Variants in PWWP2A observed in about 807,000 individuals in gnomAD.
The protein encoded by PWWP2A is PWWP domain containing 2A.
In PWWP2A, 18 loss-of-function variants were observed where a neutral mutation model predicts 48.5. The observed-to-expected ratio is 0.37, with a 90% CI of 0.26 to 0.55. The LOEUF is 0.55. Among genes scored for constraint, PWWP2A ranks in the 20% least tolerant of loss-of-function variants. The pLI is 0.81. For missense variants in PWWP2A, 867 were observed against 976.4 expected (o/e 0.89, Z 1.49); for synonymous variants, 396 against 387.7 (o/e 1.02, Z -0.25).
the PWWP2A span, among the ~76,000 whole-genome samples, chr5:160,053,536 C>T: frequency 6.6e-6 from 1 of 152,062 alleles, no homozygotes; most frequent in African/African-American, 2.4e-5. Flanking sequence ...TGCACTCAAG[C>T]CTGGGTGACA....
At chr5:160,113,538 C>A (rs1204346088) in intron 1 of PWWP2A, among the ~76,000 whole-genome samples, 2 of 152,194 alleles carry the variant, frequency 1.3e-5, no homozygotes, top group African/African-American at 2.4e-5. Flanking sequence ...AAAGCAATAA[C>A]TAGTCCTTTT....
At chr5:160,109,084 A>G (rs1435070581) in intron 1 of PWWP2A, among the ~76,000 whole-genome samples, 1 of 152,164 alleles carries the variant, frequency 6.6e-6, no homozygotes, top group Non-Finnish European at 1.5e-5. Context: ...CCCAGGTTCA[A>G]GCAATTCTCG....
At chr5:160,095,676 C>G (rs1755564444) in intron 1 of PWWP2A, among the ~76,000 whole-genome samples, 1 of 142,992 alleles carries the variant, frequency 7.0e-6, no homozygotes, top group Non-Finnish European at 1.5e-5. Flanking sequence ...CTCAGATTCT[C>G]CGAAATGTTC....
At chr5:160,104,018 G>A (rs537475020) in intron 1 of PWWP2A, among the ~76,000 whole-genome samples, 19 of 150,804 alleles carry the variant, frequency 1.3e-4, no homozygotes, top group African/African-American at 4.4e-4. Context: ...CATCTACTCA[G>A]GAGGCTGAGC....
rs1758484051 is a variant in PWWP2A, at chr5:160,119,332, G to A, written c.57C>T (p.Gly19=). Residue 19 remains glycine, a synonymous_variant, in exon 1 of 2, where the codon GGC becomes GGT. Coordinates refer to ENST00000307063, the MANE Select transcript of PWWP2A (RefSeq NM_001130864.2). ...CCATCTCCGGCTCGGCCTCGCCGGC[G>A]CCCCCCTCCCCGGGGGACGCTGCAG... The part of the protein sequence containing the change: ...AATAASPGEG[G]AGEAEPEMEP... The A allele has an allele frequency of 1.4e-6, 2 of 1,388,134 alleles. No individual in the cohort carries two copies. The highest frequency in any genetic ancestry group is 3.1e-5 in the East Asian group (1 of 32,550). 86.0% of individuals were successfully genotyped at this position (1,388,134 alleles called of 1,614,324 possible).
chr5:160,089,649 AT>A, downstream of PWWP2A: 1 of 1,286,106 alleles, frequency 7.8e-7, no homozygotes, highest in Non-Finnish European at 1.0e-6. Context: ...GATGCTTTAC[AT>A]TTCTGAGAAT....
At chr5:160,082,375 C>T (rs1036896768) in intron 2 of PWWP2A, among the ~76,000 whole-genome samples, 1 of 150,296 alleles carries the variant, frequency 6.7e-6, no homozygotes, top group African/African-American at 2.5e-5. Context: ...ACCCGGGAGG[C>T]GGAGCTTGCA....
chr5:160,081,868 A>AT, intron 2 of PWWP2A, among the ~76,000 whole-genome samples: 1 of 152,352 alleles, frequency 6.6e-6, no homozygotes, highest in Admixed American at 6.5e-5. Context: ...CATTAGTTAG[A>AT]TAACATTCAG....
intron 1 of PWWP2A, chr5:160,108,587 G>A (rs1441987743): frequency 1.0e-5 from 13 of 1,287,450 alleles, no homozygotes; most frequent in Non-Finnish European, 1.2e-5. Flanking sequence ...CCAAAAGTAG[G>A]GCTATTGCAC....
At chr5:160,116,586 T>G in intron 1 of PWWP2A, 44 of 780,090 alleles carry the variant, frequency 5.6e-5, no homozygotes, top group East Asian at 1.3e-4. Context: ...ACTGATAGCA[T>G]GAGACCAAAA....
intron 2 of PWWP2A, among the ~76,000 whole-genome samples, chr5:160,067,085 TCCAAC>T (rs1753630143): frequency 6.6e-6 from 1 of 152,124 alleles, no homozygotes; most frequent in Non-Finnish European, 1.5e-5. Context: ...GGAAAAATCT[TCCAAC>T]TCAAAGACAC....
chr5:160,102,544 TAA>T (rs1416536686), intron 1 of PWWP2A, among the ~76,000 whole-genome samples: 6 of 151,590 alleles, frequency 4.0e-5, no homozygotes, highest in African/African-American at 1.5e-4. Flanking sequence ...CATAATTAAG[TAA>T]AAAATTAAAA....
intron 2 of PWWP2A, among the ~76,000 whole-genome samples, chr5:160,067,939 G>A (rs188047077): frequency 6.6e-6 from 1 of 152,304 alleles, no homozygotes; most frequent in Admixed American, 6.5e-5. Context: ...TCAGAACTTC[G>A]GGAGGCCGAG....
At chr5:160,052,548 CAAAAAAAAAA>C in the PWWP2A span, among the ~76,000 whole-genome samples, 17 of 68,070 alleles carry the variant, frequency 2.5e-4, no homozygotes, top group South Asian at 7.3e-4. Flanking sequence ...TCTATTTTAG[CAAAAAAAAAA>C]AAAAAAAAAA....
At chr5:160,089,350 G>A (rs1269777368), downstream of PWWP2A, among the ~76,000 whole-genome samples, 1 of 152,192 alleles carries the variant, frequency 6.6e-6, no homozygotes, top group Non-Finnish European at 1.5e-5. Flanking sequence ...CTATAGGCGT[G>A]CGCCACCATG....
chr5:160,081,199 T>G (rs139431304), intron 2 of PWWP2A, among the ~76,000 whole-genome samples: 1 of 151,984 alleles, frequency 6.6e-6, no homozygotes, highest in African/African-American at 2.4e-5. Context: ...TGAACCGTCA[T>G]CTCTGTCCAC....
At chr5:160,099,072 T>C (rs768881614) in intron 1 of PWWP2A, among the ~76,000 whole-genome samples, 1 of 152,240 alleles carries the variant, frequency 6.6e-6, no homozygotes, top group Non-Finnish European at 1.5e-5. Context: ...ATCATAAAAC[T>C]TTCCTATAGT....
chr5:160,062,124 G>A (rs923718905), intron 5 of PWWP2A: 4 of 152,228 alleles, frequency 2.6e-5, no homozygotes, highest in African/African-American at 9.7e-5. Context: ...CTTCATGACT[G>A]CCACACCATA....
At chr5:160,094,844 G>A (rs1755443867) in intron 1 of PWWP2A, among the ~76,000 whole-genome samples, 1 of 151,764 alleles carries the variant, frequency 6.6e-6, no homozygotes, top group Admixed American at 6.6e-5. Flanking sequence ...TCAGGAGATC[G>A]AGACCATCCT....
Sources: allele counts gnomAD v4.1 joint callset (sites outside exome capture counted in the v4.1 genomes callset), GRCh38; gene constraint gnomAD v4.1.1; transcripts MANE v1.5; gene names NCBI Gene and HGNC (gene_info 2026-07-23, HGNC 2026-07-21).